ITFG1: variants seen among roughly 807,000 people sequenced by gnomAD.
ITFG1 encodes the protein integrin alpha FG-GAP repeat containing 1.
Under a neutral mutation model 81.8 loss-of-function variants are expected in ITFG1, and 34 were observed. The ratio of observed to expected loss-of-function variants is 0.42; its 90% confidence interval spans 0.32 to 0.55. The LOEUF (loss-of-function observed/expected upper bound fraction) is 0.55, where lower values mean the gene tolerates loss of function less well. ITFG1 is among the 20% of genes least tolerant of loss of function. The pLI, the probability that ITFG1 is intolerant of heterozygous loss-of-function variation, is 0.17. For synonymous variants in ITFG1, 285 were observed against 270.6 expected (o/e 1.05, Z -0.52); for missense variants, 672 against 755.4 (o/e 0.89, Z 1.29).
At chr16:47,383,846 G>C (rs1167002246) in intron 6 of ITFG1, among the ~76,000 whole-genome samples, 2 of 152,258 alleles carry the variant, frequency 1.3e-5, no homozygotes, top group Non-Finnish European at 2.9e-5. Flanking sequence ...GGAGGTTGCA[G>C]TGAGCCAAGA....
intron 8 of ITFG1, among the ~76,000 whole-genome samples, chr16:47,326,869 G>T (rs1427452532): frequency 1.3e-5 from 2 of 152,148 alleles, no homozygotes; most frequent in African/African-American, 4.8e-5. Context: ...TGGGTAGGAA[G>T]AATCAATATC....
intron 14 of ITFG1, chr16:47,202,206 A>G (rs1567422101): frequency 6.6e-6 from 1 of 152,222 alleles, no homozygotes; most frequent in Non-Finnish European, 1.5e-5. Context: ...TTTTAGTGAT[A>G]TCCGAATAAA....
chr16:47,427,062 G>C (rs1191638453), intron 6 of ITFG1, among the ~76,000 whole-genome samples: 1 of 152,144 alleles, frequency 6.6e-6, no homozygotes, highest in Non-Finnish European at 1.5e-5. Flanking sequence ...AAAGAACTGA[G>C]GATGGGAGTT....
intron 5 of ITFG1, among the ~76,000 whole-genome samples, chr16:47,434,179 C>T (rs117385419): frequency 0.017 from 2,532 of 151,586 alleles, 22 homozygotes; most frequent in Middle Eastern, 0.031. Flanking sequence ...ATGCCAACAG[C>T]ATTACAAGAA....
chr16:47,241,699 T>G (rs1373351224), intron 12 of ITFG1, among the ~76,000 whole-genome samples: 2 of 152,150 alleles, frequency 1.3e-5, no homozygotes, highest in Admixed American at 6.5e-5. Flanking sequence ...CTCATGCCTG[T>G]AATCCCAGCA....
At chr16:47,259,932 T>C (rs996820680) in intron 11 of ITFG1, among the ~76,000 whole-genome samples, 3 of 151,810 alleles carry the variant, frequency 2.0e-5, no homozygotes, top group Admixed American at 2.0e-4. Flanking sequence ...ATTTGTTGGC[T>C]GTAAATTTTT....
intron 14 of ITFG1, among the ~76,000 whole-genome samples, chr16:47,206,014 C>T (rs1007581762): frequency 2.6e-5 from 4 of 151,910 alleles, no homozygotes; most frequent in African/African-American, 7.3e-5. Flanking sequence ...TACAGGCGCC[C>T]GCCACCACGC....
At chr16:47,196,183 A>G (rs1965355017) in intron 14 of ITFG1, 1 of 151,206 alleles carries the variant, frequency 6.6e-6, no homozygotes, top group African/African-American at 2.4e-5. Context: ...GCAGTCTGAC[A>G]ATGATATGCA....
chr16:47,423,020 G>A (rs1203202875), intron 6 of ITFG1, among the ~76,000 whole-genome samples: 1 of 152,136 alleles, frequency 6.6e-6, no homozygotes, highest in African/African-American at 2.4e-5. Context: ...TATTGACAGT[G>A]GGGTGTTAAA....
chr16:47,323,986 T>C (rs534904133), intron 8 of ITFG1, among the ~76,000 whole-genome samples: 2 of 152,336 alleles, frequency 1.3e-5, no homozygotes, highest in Non-Finnish European at 2.9e-5. Flanking sequence ...TGCTATGAAA[T>C]TATAATCATT....
At chr16:47,428,393 T>C (rs1969050398) in intron 6 of ITFG1, among the ~76,000 whole-genome samples, 1 of 152,194 alleles carries the variant, frequency 6.6e-6, no homozygotes, top group African/African-American at 2.4e-5. Context: ...CAATTTTCTG[T>C]TTAAAATTTT....
intron 14 of ITFG1, among the ~76,000 whole-genome samples, chr16:47,206,849 T>C (rs1307929192): frequency 1.3e-5 from 2 of 152,214 alleles, no homozygotes; most frequent in African/African-American, 4.8e-5. Flanking sequence ...CTTCCTATAC[T>C]TCACCTGACT....
chr16:47,433,151 C>T (rs1227068121), intron 5 of ITFG1, among the ~76,000 whole-genome samples: 1 of 151,984 alleles, frequency 6.6e-6, no homozygotes, highest in African/African-American at 2.4e-5. Context: ...ACATTTTTTC[C>T]TAGGAGCTAT....
intron 6 of ITFG1, among the ~76,000 whole-genome samples, chr16:47,407,335 G>A (rs1391337137): frequency 6.6e-6 from 1 of 152,070 alleles, no homozygotes; most frequent in African/African-American, 2.4e-5. Context: ...GACAGAAAGA[G>A]GCAGCAAGGA....
intron 7 of ITFG1, among the ~76,000 whole-genome samples, chr16:47,373,496 G>A (rs1567478201): frequency 6.6e-6 from 1 of 152,084 alleles, no homozygotes; most frequent in Non-Finnish European, 1.5e-5. Flanking sequence ...GGCAAGGCTG[G>A]TCTTGAACTC....
At chr16:47,426,637 A>C (rs573048804) in intron 6 of ITFG1, among the ~76,000 whole-genome samples, 11 of 151,816 alleles carry the variant, frequency 7.2e-5, no homozygotes, top group African/African-American at 2.2e-4. Context: ...ATTCATAAAA[A>C]ATTTACTAGA....
At chr16:47,458,987 C>G (rs1254012659) in intron 2 of ITFG1, 116 bp downstream of exon 2, 5 of 636,482 alleles carry the variant, frequency 7.9e-6, no homozygotes, top group African/African-American at 7.4e-5. Flanking sequence ...ACCTCACAAA[C>G]AGTGGTTTTG....
At chr16:47,324,681 A>T (rs1331781404) in intron 8 of ITFG1, among the ~76,000 whole-genome samples, 1 of 152,222 alleles carries the variant, frequency 6.6e-6, no homozygotes, top group African/African-American at 2.4e-5. Context: ...CAGGGGTTGC[A>T]ATCAAGTCTC....
chr16:47,305,716 G>C (rs571419047), intron 10 of ITFG1, among the ~76,000 whole-genome samples: 2 of 152,276 alleles, frequency 1.3e-5, no homozygotes, highest in South Asian at 4.1e-4. Context: ...ATTTAACAGA[G>C]AAGTGTTTTT....
Sources: allele counts gnomAD v4.1 joint callset (sites outside exome capture counted in the v4.1 genomes callset), GRCh38; gene constraint gnomAD v4.1.1; transcripts MANE v1.5; gene names NCBI Gene and HGNC (gene_info 2026-07-23, HGNC 2026-07-21).